Variants in PHF2 observed in about 807,000 individuals in gnomAD.
The protein encoded by PHF2 is lysine-specific demethylase PHF2.
In PHF2, 27 loss-of-function variants were observed where a neutral mutation model predicts 120.5. The ratio of observed to expected loss-of-function variants is 0.22; its 90% confidence interval spans 0.17 to 0.31. The LOEUF is 0.31. Ranked by LOEUF, PHF2 falls within the 10% of genes least tolerant of loss-of-function variation. The pLI, the probability that PHF2 is intolerant of heterozygous loss-of-function variation, is 1.00. For missense variants in PHF2, 1,024 were observed against 1,434.8 expected (o/e 0.71, Z 4.63); for synonymous variants, 568 against 592.5 (o/e 0.96, Z 0.60).
chr9:93,588,042 C>T (rs946755773), intron 1 of PHF2, among the ~76,000 whole-genome samples: 6 of 152,150 alleles, frequency 3.9e-5, no homozygotes, highest in Admixed American at 2.0e-4. Flanking sequence ...CCCTGGAGGC[C>T]CCCATGACAG....
At chr9:93,637,701 G>A (rs1025008649) in intron 3 of PHF2, among the ~76,000 whole-genome samples, 1 of 152,156 alleles carries the variant, frequency 6.6e-6, no homozygotes, top group African/African-American at 2.4e-5. Flanking sequence ...ATCAGGTGAT[G>A]GTCATTTGCG....
At chr9:93,668,745 G>T (rs1826727355) in intron 17 of PHF2, among the ~76,000 whole-genome samples, 2 of 152,214 alleles carry the variant, frequency 1.3e-5, no homozygotes, top group South Asian at 4.1e-4. Flanking sequence ...AAAAGACCCA[G>T]AGCTTCCCCG....
chr9:93,585,596 G>A (rs1041263059), intron 1 of PHF2, among the ~76,000 whole-genome samples: 2 of 152,220 alleles, frequency 1.3e-5, no homozygotes, highest in Admixed American at 6.5e-5. Context: ...CACAGTATTG[G>A]ACAAACATGA....
At chr9:93,600,506 G>A (rs1268448862) in intron 1 of PHF2, among the ~76,000 whole-genome samples, 5 of 152,220 alleles carry the variant, frequency 3.3e-5, no homozygotes. Flanking sequence ...GCAAGCTCTT[G>A]TAGCTTGGGA....
chr9:93,578,146 G>A (rs1449452152), intron 1 of PHF2, among the ~76,000 whole-genome samples: 2 of 152,162 alleles, frequency 1.3e-5, no homozygotes, highest in African/African-American at 4.8e-5. Flanking sequence ...GGACCTGGGT[G>A]GCTGGGATGT....
chr9:93,587,866 C>A (rs570687899), intron 1 of PHF2, among the ~76,000 whole-genome samples: 3 of 152,126 alleles, frequency 2.0e-5, no homozygotes, highest in Non-Finnish European at 2.9e-5. Context: ...CCTCACTGAC[C>A]GTCCGTTCTC....
chr9:93,604,707 G>A (rs1192081356), intron 1 of PHF2, among the ~76,000 whole-genome samples: 3 of 152,002 alleles, frequency 2.0e-5, no homozygotes, highest in African/African-American at 2.4e-5. Context: ...CTTGTGATCC[G>A]CCTGCCTCGG....
chr9:93,646,593 G>A (rs534287927), intron 4 of PHF2, among the ~76,000 whole-genome samples: 1 of 152,316 alleles, frequency 6.6e-6, no homozygotes, highest in African/African-American at 2.4e-5. Context: ...CCACTCTGAG[G>A]CTCACTCTCT....
intron 3 of PHF2, among the ~76,000 whole-genome samples, chr9:93,643,771 G>C (rs141903796): frequency 6.6e-6 from 1 of 152,242 alleles, no homozygotes; most frequent in East Asian, 1.9e-4. Flanking sequence ...TAGACCACAT[G>C]TGTCCCCAGA....
At chr9:93,667,696 A>C (rs570346831) in intron 17 of PHF2, among the ~76,000 whole-genome samples, 1 of 152,188 alleles carries the variant, frequency 6.6e-6, no homozygotes, top group East Asian at 1.9e-4. Flanking sequence ...GGGGAAACCG[A>C]GGCTCTGAGG....
chr9:93,578,515 C>T (rs919729152), intron 1 of PHF2, among the ~76,000 whole-genome samples: 6 of 152,200 alleles, frequency 3.9e-5, no homozygotes, highest in African/African-American at 1.4e-4. Context: ...GGAGCCCTGA[C>T]CTGGCGAGCG....
intron 1 of PHF2, among the ~76,000 whole-genome samples, chr9:93,621,736 G>A (rs1248024735): frequency 6.6e-6 from 1 of 152,082 alleles, no homozygotes; most frequent in Non-Finnish European, 1.5e-5. Context: ...AAGTAGGCTT[G>A]TGCTGTCTGC....
chr9:93,648,919 A>T (rs921599320), intron 4 of PHF2, 152 bp from the exon 5 acceptor site: 12 of 735,952 alleles, frequency 1.6e-5, no homozygotes, highest in African/African-American at 3.5e-5. Flanking sequence ...GTGAAGCTCG[A>T]CGTTGGCACC....
At chr9:93,604,171 G>C (rs1156412931) in intron 1 of PHF2, among the ~76,000 whole-genome samples, 8 of 152,170 alleles carry the variant, frequency 5.3e-5, no homozygotes, top group Non-Finnish European at 1.0e-4. Context: ...ATGTGTGGTA[G>C]GGAAGAGGCC....
Position 93,656,460 on chromosome 9 carries a change from A to G in PHF2, c.1041-29A>G. ...GCGTCGCCTGCTTGATGGTCAGTGC[A>G]CTGAGAACTGCTCTTTGGTGGCTTC... is the stretch of plus-strand genomic sequence containing the variant. On this transcript the variant is annotated intron_variant, in intron 8 of 21. Coordinates refer to ENST00000359246, the MANE Select transcript of PHF2 (RefSeq NM_005392.4). The surrounding 1 kb of genome is among the most constrained non-coding windows in gnomAD (Gnocchi z 4.1). 1 of 1,503,834 alleles carries G rather than the reference A, an allele frequency of 6.6e-7. No individual in the cohort carries two copies. The highest frequency in any genetic ancestry group is 1.1e-5 in the South Asian group (1 of 88,864). 93.2% of individuals were successfully genotyped at this position (1,503,834 alleles called of 1,614,324 possible). A position where few individuals can be genotyped will look rare whatever the true frequency, so the allele number is the denominator to read the frequency against.
intron 1 of PHF2, among the ~76,000 whole-genome samples, chr9:93,577,847 C>T (rs566070538): frequency 8.5e-5 from 13 of 152,182 alleles, no homozygotes; most frequent in Non-Finnish European, 1.8e-4. Context: ...GAGGAGGTGA[C>T]AGTGTTGCCC....
In PHF2 at chr9:93,656,122, C is replaced by T. The variant is rs962028380; in HGVS notation, c.1040+101C>T. ...CCTTGGGCTGAGTCCTGGCACAGCC[C>T]GCCTGTGGGTGGCCTGGACATGACC... On this transcript the variant is annotated intron_variant, in intron 8 of 21. Transcript: ENST00000359246. This position sits in a 1 kb window ranked among gnomAD's most constrained non-coding sequence, Gnocchi z 4.1. The T allele has an allele frequency of 3.9e-5, 36 of 922,772 alleles. No homozygotes were observed. The highest frequency in any genetic ancestry group is 2.5e-4 in the Admixed American group (12 of 47,476). The allele number at this position is 922,772 out of a possible 1,614,324, so 57.2% of individuals were successfully genotyped here. A position where few individuals can be genotyped will look rare whatever the true frequency, so the allele number is the denominator to read the frequency against.
intron 2 of PHF2, among the ~76,000 whole-genome samples, chr9:93,632,980 G>A (rs187055953): frequency 5.3e-5 from 8 of 152,234 alleles, no homozygotes; most frequent in South Asian, 2.1e-4. Flanking sequence ...CTCCAGGCAC[G>A]CCTTGCACAC....
At chr9:93,672,488 A>C in intron 17 of PHF2, 3 of 973,176 alleles carry the variant, frequency 3.1e-6, no homozygotes, top group Non-Finnish European at 3.6e-6. Flanking sequence ...GGGAGTAGGC[A>C]CAGGTGTACA....
Sources: allele counts gnomAD v4.1 joint callset (sites outside exome capture counted in the v4.1 genomes callset), GRCh38; gene constraint gnomAD v4.1.1; non-coding constraint Gnocchi (gnomAD v3.1); transcripts MANE v1.5; gene names NCBI Gene and HGNC (gene_info 2026-07-23, HGNC 2026-07-21).